GRM8: variants seen among roughly 807,000 people sequenced by gnomAD.
The protein encoded by GRM8 is glutamate metabotropic receptor 8.
A neutral mutation model predicts 87.2 loss-of-function variants in GRM8; 47 were observed. The observed-to-expected ratio is 0.54, with a 90% CI of 0.43 to 0.69. The LOEUF (loss-of-function observed/expected upper bound fraction) is 0.69, where lower values mean the gene tolerates loss of function less well. Ranked by LOEUF, GRM8 falls within the 30% of genes least tolerant of loss-of-function variation. The pLI, the probability that GRM8 is intolerant of heterozygous loss-of-function variation, is 0.00. For synonymous variants in GRM8, 396 were observed against 404.5 expected, an observed-to-expected ratio of 0.98 and a Z score of 0.25; for missense variants, 1,019 against 1,139.2, an observed-to-expected ratio of 0.89 and a Z score of 1.52.
At chr7:126,903,457 A>G (rs1310042930) in intron 5 of GRM8, among the ~76,000 whole-genome samples, 2 of 151,730 alleles carry the variant, frequency 1.3e-5, no homozygotes, top group Admixed American at 6.6e-5. Context: ...ATAAATACCC[A>G]TGGAAATACG....
intron 8 of GRM8, among the ~76,000 whole-genome samples, chr7:126,582,351 C>A (rs1253314225): frequency 6.6e-6 from 1 of 152,070 alleles, no homozygotes; most frequent in African/African-American, 2.4e-5. Context: ...TGAAAGCTGG[C>A]AGAGGTGAAG....
chr7:126,979,439 T>C (rs913344862), intron 3 of GRM8, among the ~76,000 whole-genome samples: 1 of 152,256 alleles, frequency 6.6e-6, no homozygotes, highest in Non-Finnish European at 1.5e-5. Flanking sequence ...GTATCTGCTA[T>C]ACTTACAGTA....
chr7:126,594,565 G>T (rs915871493), intron 8 of GRM8, among the ~76,000 whole-genome samples: 11 of 152,020 alleles, frequency 7.2e-5, no homozygotes, highest in African/African-American at 2.2e-4. Flanking sequence ...GTTAACAAGG[G>T]CTTGGGTCAT....
At chr7:126,830,914 T>G (rs1795300022) in intron 6 of GRM8, among the ~76,000 whole-genome samples, 1 of 152,222 alleles carries the variant, frequency 6.6e-6, no homozygotes, top group African/African-American at 2.4e-5. Context: ...TTAGCTTTCC[T>G]TCTAACAGAC....
intron 2 of GRM8, among the ~76,000 whole-genome samples, chr7:127,198,701 C>T (rs1003231172): frequency 2.0e-5 from 3 of 151,272 alleles, no homozygotes; most frequent in Admixed American, 6.6e-5. Context: ...CAGGGTTTTG[C>T]TCTGTCACCC....
intron 2 of GRM8, among the ~76,000 whole-genome samples, chr7:127,166,858 A>C (rs541795416): frequency 6.6e-6 from 1 of 152,262 alleles, no homozygotes; most frequent in East Asian, 1.9e-4. Flanking sequence ...TAACTTGTTT[A>C]AACTAGTATT....
intron 2 of GRM8, among the ~76,000 whole-genome samples, chr7:127,233,239 C>G (rs17866441): frequency 2.0e-5 from 3 of 152,152 alleles, no homozygotes; most frequent in African/African-American, 7.2e-5. Context: ...GGCAGTCTGA[C>G]TACAGAGCCC....
intron 2 of GRM8, among the ~76,000 whole-genome samples, chr7:127,117,907 G>A (rs575697512): frequency 6.6e-5 from 10 of 152,296 alleles, no homozygotes; most frequent in African/African-American, 1.9e-4. Context: ...GCAAATATTC[G>A]ATTTAGACTG....
intron 9 of GRM8, among the ~76,000 whole-genome samples, chr7:126,487,901 C>T (rs1807561036): frequency 6.6e-6 from 1 of 151,950 alleles, no homozygotes; most frequent in Non-Finnish European, 1.5e-5. Flanking sequence ...AAGCTTACTC[C>T]ACTCATTTTC....
chr7:126,474,461 G>C (rs1323157746), intron 9 of GRM8, among the ~76,000 whole-genome samples: 1 of 152,100 alleles, frequency 6.6e-6, no homozygotes, highest in Non-Finnish European at 1.5e-5. Flanking sequence ...TAGAGATGAG[G>C]TTTCACCATG....
At chr7:126,859,461 G>C (rs1218686825) in intron 6 of GRM8, among the ~76,000 whole-genome samples, 1 of 152,164 alleles carries the variant, frequency 6.6e-6, no homozygotes, top group Non-Finnish European at 1.5e-5. Flanking sequence ...GGAACAAGAA[G>C]TTTTTGTGTA....
chr7:126,824,283 T>G (rs1460590483), intron 6 of GRM8, among the ~76,000 whole-genome samples: 2 of 152,118 alleles, frequency 1.3e-5, no homozygotes, highest in Non-Finnish European at 2.9e-5. Flanking sequence ...TTTCAATTAC[T>G]CCCTTAGCAT....
intron 3 of GRM8, among the ~76,000 whole-genome samples, chr7:126,957,941 C>G (rs1292953132): frequency 1.3e-5 from 2 of 152,186 alleles, no homozygotes; most frequent in Non-Finnish European, 2.9e-5. Flanking sequence ...CCATGGCCAC[C>G]CATGGACCAA....
intron 3 of GRM8, among the ~76,000 whole-genome samples, chr7:127,093,607 G>A (rs1824363298): frequency 6.6e-6 from 1 of 152,216 alleles, no homozygotes; most frequent in East Asian, 1.9e-4. Flanking sequence ...TATCTGAGCT[G>A]CTACAAGAGA....
chr7:127,196,393 C>T (rs1795277918), intron 2 of GRM8, among the ~76,000 whole-genome samples: 1 of 152,186 alleles, frequency 6.6e-6, no homozygotes, highest in South Asian at 2.1e-4. Context: ...GTTTGCATGC[C>T]TGTAGTCCCA....
At chr7:126,720,133 C>A (rs1389388026) in intron 7 of GRM8, among the ~76,000 whole-genome samples, 1 of 151,154 alleles carries the variant, frequency 6.6e-6, no homozygotes, top group Non-Finnish European at 1.5e-5. Flanking sequence ...GTATATTTAA[C>A]TCATGTTATT....
chr7:126,578,916 C>A (rs1419497), intron 8 of GRM8, among the ~76,000 whole-genome samples: 1 of 152,044 alleles, frequency 6.6e-6, no homozygotes, highest in East Asian at 1.9e-4. Context: ...GCAAGGGTGA[C>A]AACCTTGTTG....
In GRM8 at chr7:126,585,582, CAT is replaced by C. The variant is rs149574575; in HGVS notation, c.1494+23778_1494+23779del. 1.5e-3 allele frequency among the ~76,000 whole-genome samples: 224 copies of C among 152,250 alleles called. 1 individual carries two copies. Among genetic ancestry groups the C allele is most frequent in the African/African-American group, 5.2e-3 (214 of 41,548 alleles). ...TAAACAGAATCAACAACAAAAACCA[CAT>C]GATTATCTCAATAGACACAGAAAAT... On this transcript the variant is annotated intron_variant, in intron 8 of 10. Coordinates refer to ENST00000339582, the MANE Select transcript of GRM8 (RefSeq NM_000845.3).
At chr7:126,896,688 AT>A (rs1801573138) in intron 6 of GRM8, among the ~76,000 whole-genome samples, 1 of 152,114 alleles carries the variant, frequency 6.6e-6, no homozygotes, top group Admixed American at 6.6e-5. Flanking sequence ...CACTGACAGG[AT>A]TGCTTGTTTG....
Sources: gnomAD v4.1 joint callset for allele counts (sites outside exome capture counted in the v4.1 genomes callset) on GRCh38, gnomAD v4.1.1 for gene constraint, MANE v1.5 for transcripts, NCBI Gene and HGNC (gene_info 2026-07-23, HGNC 2026-07-21) for gene names.